The following CARMIL1 variants were observed in gnomAD, a reference collection of about 807,000 sequenced individuals.
The protein encoded by CARMIL1 is F-actin-uncapping protein LRRC16A.
Under a neutral mutation model 177.1 loss-of-function variants are expected in CARMIL1, and 90 were observed. That is an observed-to-expected ratio of 0.51 (90% CI 0.43 to 0.61). The LOEUF (loss-of-function observed/expected upper bound fraction) is 0.61, where lower values mean the gene tolerates loss of function less well. Ranked by LOEUF, CARMIL1 falls within the 20% of genes least tolerant of loss-of-function variation. CARMIL1 has a pLI of 0.00. For missense variants in CARMIL1, 1,380 were observed against 1,667.0 expected (o/e 0.83, Z 3.00); for synonymous variants, 577 against 606.2 (o/e 0.95, Z 0.71).
At chr6:25,613,840 T>C (rs1347395310) in intron 36 of CARMIL1, among the ~76,000 whole-genome samples, 2 of 152,202 alleles carry the variant, frequency 1.3e-5, no homozygotes, top group East Asian at 1.9e-4. Flanking sequence ...AATAGATGCA[T>C]GTATTTAGGC....
chr6:25,304,616 G>C (rs1783122204), intron 2 of CARMIL1, among the ~76,000 whole-genome samples: 1 of 152,166 alleles, frequency 6.6e-6, no homozygotes, highest in Non-Finnish European at 1.5e-5. Flanking sequence ...GGTAATGTTT[G>C]GTCACCTGCC....
intron 2 of CARMIL1, among the ~76,000 whole-genome samples, chr6:25,309,269 T>G (rs1259015201): frequency 6.6e-6 from 1 of 150,862 alleles, no homozygotes; most frequent in East Asian, 1.9e-4. Flanking sequence ...ACTTGAAAAT[T>G]ACTTGAAGTT....
intron 2 of CARMIL1, among the ~76,000 whole-genome samples, chr6:25,309,924 C>T (rs2690119): frequency 0.082 from 12,440 of 151,824 alleles, 617 homozygotes; most frequent in African/African-American, 0.14. Context: ...TGCACGCCAC[C>T]GCACCCGGCT....
At chr6:25,612,781 A>C (rs1373029625) in intron 36 of CARMIL1, 1 of 985,286 alleles carries the variant, frequency 1.0e-6, no homozygotes, top group African/African-American at 1.7e-5. Flanking sequence ...AGATCATGAC[A>C]GTGGCAAGCC....
chr6:25,492,926 C>T (rs1803375871), intron 15 of CARMIL1, among the ~76,000 whole-genome samples: 1 of 151,994 alleles, frequency 6.6e-6, no homozygotes, highest in South Asian at 2.1e-4. Flanking sequence ...CCACAAATAC[C>T]TCCATAGATT....
At chr6:25,417,415 T>A (rs1795456184) in intron 2 of CARMIL1, among the ~76,000 whole-genome samples, 1 of 152,214 alleles carries the variant, frequency 6.6e-6, no homozygotes, top group African/African-American at 2.4e-5. Flanking sequence ...CTTAATTCCC[T>A]GAGTACTGCT....
chr6:25,586,710 C>G (rs534863469), intron 31 of CARMIL1, among the ~76,000 whole-genome samples: 148 of 152,260 alleles, frequency 9.7e-4, no homozygotes, highest in Non-Finnish European at 1.7e-3. Flanking sequence ...CCCGGCACCT[C>G]GGGAGGCCGA....
intron 12 of CARMIL1, among the ~76,000 whole-genome samples, chr6:25,484,910 T>C (rs1221955687): frequency 6.6e-6 from 1 of 152,038 alleles, no homozygotes; most frequent in African/African-American, 2.4e-5. Flanking sequence ...ATGAATTACA[T>C]CTGTAATTCT....
chr6:25,319,521 G>A (rs1041674841), intron 2 of CARMIL1, among the ~76,000 whole-genome samples: 2 of 151,912 alleles, frequency 1.3e-5, no homozygotes, highest in African/African-American at 2.4e-5. Context: ...GGAGAATGGT[G>A]GTCTTTTCAG....
At chr6:25,557,497 A>G (rs1810730409) in intron 29 of CARMIL1, among the ~76,000 whole-genome samples, 1 of 152,202 alleles carries the variant, frequency 6.6e-6, no homozygotes, top group Admixed American at 6.5e-5. Flanking sequence ...TAAAATTTAT[A>G]TTAATCAGCA....
chr6:25,576,976 A>G, intron 29 of CARMIL1: 1 of 982,424 alleles, frequency 1.0e-6, no homozygotes, highest in East Asian at 1.1e-4. Flanking sequence ...CTGCATGGAG[A>G]CTCTCTGCTG....
Position 25,554,053 on chromosome 6 carries a change from T to C in CARMIL1, c.2549T>C (p.Val850Ala). ...GCCTCGTTCCTGTCTGATAGAATTG[T>C]GGATGAAATCCTGGATGCACTCTCA... ...TVASFLSDRI[V>A]DEILDALSHC... Residue 850 changes from valine (V) to alanine (A), a missense_variant, in exon 28 of 37, where the codon GTG becomes GCG. Val to Ala is a moderately conservative substitution (Grantham distance 64). Transcript: ENST00000329474. This position sits in a 1 kb window ranked among gnomAD's most constrained non-coding sequence, Gnocchi z 4.6. The C allele has an allele frequency of 6.2e-7, 1 of 1,602,422 alleles. No individual in the cohort carries two copies. Among genetic ancestry groups the C allele is most frequent in the African/African-American group, 1.3e-5 (1 of 74,864 alleles).
intron 24 of CARMIL1, among the ~76,000 whole-genome samples, chr6:25,529,857 T>G (rs1807573683): frequency 6.6e-6 from 1 of 151,294 alleles, no homozygotes; most frequent in African/African-American, 2.4e-5. Context: ...TGTGATACTG[T>G]AGTACAGAAT....
At chr6:25,423,499 C>T (rs1796034866) in intron 3 of CARMIL1, among the ~76,000 whole-genome samples, 1 of 152,180 alleles carries the variant, frequency 6.6e-6, no homozygotes, top group African/African-American at 2.4e-5. Context: ...TGGAAGACCA[C>T]AGTGCATTTG....
intron 2 of CARMIL1, among the ~76,000 whole-genome samples, chr6:25,381,735 A>G (rs974440003): frequency 6.6e-6 from 1 of 152,208 alleles, no homozygotes; most frequent in Non-Finnish European, 1.5e-5. Flanking sequence ...TTGTGTGTTC[A>G]CCAATCCAGA....
At chr6:25,292,812 A>AT (rs1272233939) in intron 2 of CARMIL1, among the ~76,000 whole-genome samples, 1 of 152,126 alleles carries the variant, frequency 6.6e-6, no homozygotes, top group East Asian at 1.9e-4. Context: ...AAGGTAAGTG[A>AT]TGGGGGGGAG....
rs1358513025 is a variant in CARMIL1 at position 25,515,669 on chromosome 6, C to T, written c.1633-6C>T. The T allele has an allele frequency of 6.3e-7, 1 of 1,594,784 alleles. No homozygotes were observed. Among genetic ancestry groups the T allele is most frequent in the Non-Finnish European group, 8.5e-7 (1 of 1,170,766 alleles). On this transcript the variant is annotated splice_polypyrimidine_tract_variant and splice_region_variant and intron_variant, in intron 20 of 36. Transcript: ENST00000329474. The surrounding 1 kb of genome is among the most constrained non-coding windows in gnomAD (Gnocchi z 5.0). ...TGCTGAGTGCCGTGTGTCATTTGCT[C>T]CGCAGCCTCTGCAGTCCTTGTCCCT...
At chr6:25,618,791 TC>T (rs575948316) in intron 36 of CARMIL1, among the ~76,000 whole-genome samples, 204 of 152,316 alleles carry the variant, frequency 1.3e-3, no homozygotes, top group African/African-American at 4.4e-3. Context: ...TAATGGTAAT[TC>T]TTTTACCTGG....
At chr6:25,452,890 G>A (rs530257692) in intron 8 of CARMIL1, among the ~76,000 whole-genome samples, 1 of 152,304 alleles carries the variant, frequency 6.6e-6, no homozygotes, top group South Asian at 2.1e-4. Context: ...TCAACAAGTG[G>A]TGGTTTCTTA....
Sources: gnomAD v4.1 joint callset for allele counts (sites outside exome capture counted in the v4.1 genomes callset) on GRCh38, gnomAD v4.1.1 for gene constraint, Gnocchi (gnomAD v3.1) non-coding constraint, MANE v1.5 for transcripts, NCBI Gene and HGNC (gene_info 2026-07-23, HGNC 2026-07-21) for gene names.